NLGN4X: variants seen among roughly 807,000 people sequenced by gnomAD.
The protein encoded by NLGN4X is neuroligin 4 X-linked, also known as neuroligin-4, X-linked.
A neutral mutation model predicts 40.3 loss-of-function variants in NLGN4X; 3 were observed. The observed-to-expected ratio is 0.07, with a 90% CI of 0.03 to 0.19. NLGN4X has a LOEUF of 0.19. Among genes scored for constraint, NLGN4X ranks in the 10% least tolerant of loss-of-function variants. The pLI is 1.00. For missense variants in NLGN4X, 382 were observed against 708.3 expected, an observed-to-expected ratio of 0.54 and a Z score of 5.23; for synonymous variants, 270 against 306.8, an observed-to-expected ratio of 0.88 and a Z score of 1.25.
At chrX:6,108,547 T>G (rs936969658) in intron 2 of NLGN4X, among the ~76,000 whole-genome samples, 4 of 110,103 alleles carry the variant, frequency 3.6e-5, no homozygotes, top group Admixed American at 2.9e-4. Flanking sequence ...GGCATGGTGG[T>G]GTGCATATGT....
intron 1 of NLGN4X, among the ~76,000 whole-genome samples, chrX:6,221,855 C>G (rs929730007): frequency 9.0e-6 from 1 of 111,064 alleles, no homozygotes; most frequent in African/African-American, 3.3e-5. Context: ...CCGTCCCATA[C>G]TCCAGAGCCA....
intron 3 of NLGN4X, among the ~76,000 whole-genome samples, chrX:5,948,288 AATTTAC>A (rs2034195372): frequency 8.9e-6 from 1 of 112,362 alleles, no homozygotes; most frequent in Non-Finnish European, 1.9e-5. Context: ...TGGTGTTCAC[AATTTAC>A]ATTTAAGTGT....
At chrX:6,094,048 T>C (rs903547417) in intron 2 of NLGN4X, among the ~76,000 whole-genome samples, 20 of 111,978 alleles carry the variant, frequency 1.8e-4, no homozygotes, top group Non-Finnish European at 3.0e-4. Context: ...CATAATTTTG[T>C]ATCTCATCAT....
chrX:6,167,868 C>T (rs2040529577), intron 1 of NLGN4X, among the ~76,000 whole-genome samples: 1 of 112,020 alleles, frequency 8.9e-6, no homozygotes. Flanking sequence ...TGAATTATAA[C>T]CTGAACCATG....
At chrX:6,011,134 T>C (rs1321587154) in intron 3 of NLGN4X, among the ~76,000 whole-genome samples, 6 of 111,007 alleles carry the variant, frequency 5.4e-5, no homozygotes, top group Non-Finnish European at 1.1e-4. Context: ...TATTTCACAA[T>C]ATAAAGTATC....
intron 1 of NLGN4X, among the ~76,000 whole-genome samples, chrX:6,165,293 A>G (rs2040474957): frequency 9.0e-6 from 1 of 111,582 alleles, no homozygotes; most frequent in Non-Finnish European, 1.9e-5. Context: ...GGAAGGAAGA[A>G]TAGGATGGAA....
At chrX:6,211,266 C>A (rs1259582011) in intron 1 of NLGN4X, among the ~76,000 whole-genome samples, 2 of 111,492 alleles carry the variant, frequency 1.8e-5, no homozygotes, top group Non-Finnish European at 3.8e-5. Flanking sequence ...AGAAAATAAG[C>A]AATGCCCCTA....
chrX:6,219,331 TTTCC>T (rs1477916658), intron 1 of NLGN4X, among the ~76,000 whole-genome samples: 1 of 106,190 alleles, frequency 9.4e-6, no homozygotes, highest in African/African-American at 3.4e-5. Context: ...TCCTTTCTTC[TTTCC>T]TTCCTTCCTT....
chrX:6,060,109 TC>T (rs1344441172), intron 2 of NLGN4X, among the ~76,000 whole-genome samples: 1 of 111,875 alleles, frequency 8.9e-6, no homozygotes, highest in African/African-American at 3.3e-5. Flanking sequence ...TGGTTCACAT[TC>T]TAGGGCAAAC....
intron 2 of NLGN4X, among the ~76,000 whole-genome samples, chrX:6,051,607 C>T (rs1170155856): frequency 2.7e-5 from 3 of 110,989 alleles, no homozygotes; most frequent in African/African-American, 6.6e-5. Context: ...AATTCTCCCT[C>T]GGAGGCTCCA....
intron 1 of NLGN4X, among the ~76,000 whole-genome samples, chrX:6,182,797 C>T (rs1481407086): frequency 9.0e-6 from 1 of 111,662 alleles, no homozygotes; most frequent in Non-Finnish European, 1.9e-5. Flanking sequence ...TCCCTTGGAG[C>T]CTTCCGAAGG....
chrX:6,172,227 A>C (rs746647878), intron 1 of NLGN4X, among the ~76,000 whole-genome samples: 6 of 112,225 alleles, frequency 5.3e-5, no homozygotes, highest in Admixed American at 4.7e-4. Context: ...GAAATCTCGC[A>C]ATGTGCTTTT....
chrX:5,919,865 A>G (rs1164204023), intron 3 of NLGN4X, among the ~76,000 whole-genome samples: 1 of 111,635 alleles, frequency 9.0e-6, no homozygotes. Context: ...GTTGGGAGAT[A>G]TTTTTATATA....
intron 1 of NLGN4X, among the ~76,000 whole-genome samples, chrX:6,157,676 G>GA (rs1355115613): frequency 9.0e-6 from 1 of 111,131 alleles, no homozygotes; most frequent in Non-Finnish European, 1.9e-5. Flanking sequence ...TATAACTTTG[G>GA]AAAAGGGGAA....
At chrX:6,101,937 G>A (rs910201496) in intron 2 of NLGN4X, among the ~76,000 whole-genome samples, 2 of 108,637 alleles carry the variant, frequency 1.8e-5, no homozygotes, top group African/African-American at 3.4e-5. Context: ...AGCCTCCTGA[G>A]TAGCTGGGAC....
At chrX:5,951,653 C>A (rs889696616) in intron 3 of NLGN4X, among the ~76,000 whole-genome samples, 2 of 111,192 alleles carry the variant, frequency 1.8e-5, no homozygotes, top group South Asian at 7.8e-4. Context: ...CTGGTGAGGA[C>A]CCACTTTCTG....
At chrX:6,032,694 C>G in intron 2 of NLGN4X, 2 of 1,184,456 alleles carry the variant, frequency 1.7e-6, no homozygotes, top group Non-Finnish European at 2.3e-6. Context: ...AAAATACCTT[C>G]GTCTTCACCA....
intron 2 of NLGN4X, among the ~76,000 whole-genome samples, chrX:6,111,145 A>G (rs1204119656): frequency 2.7e-5 from 3 of 112,137 alleles, no homozygotes; most frequent in Non-Finnish European, 5.6e-5. Context: ...AAAATATGTG[A>G]AAGGGCTTAC....
At chrX:6,088,700 C>A (rs1338866614) in intron 2 of NLGN4X, among the ~76,000 whole-genome samples, 3 of 111,995 alleles carry the variant, frequency 2.7e-5, no homozygotes, top group Admixed American at 1.9e-4. Context: ...AGTACCATAT[C>A]TACTACTGTC....
Sources: allele counts gnomAD v4.1 joint callset (sites outside exome capture counted in the v4.1 genomes callset), GRCh38; gene constraint gnomAD v4.1.1; transcripts MANE v1.5; gene names NCBI Gene and HGNC (gene_info 2026-07-23, HGNC 2026-07-21).